MED13L: variants seen among roughly 807,000 people sequenced by gnomAD.
The protein encoded by MED13L is mediator complex subunit 13L.
MED13L carries 7 observed loss-of-function variants against 220.9 expected under a neutral mutation model. That is an observed-to-expected ratio of 0.03 (90% confidence interval 0.02 to 0.06). The LOEUF (loss-of-function observed/expected upper bound fraction) is 0.06, where lower values mean the gene tolerates loss of function less well. Ranked by LOEUF, MED13L falls within the 10% of genes least tolerant of loss-of-function variation. The pLI is 1.00. For missense variants in MED13L, 1,965 were observed against 2,760.5 expected, an observed-to-expected ratio of 0.71 and a Z score of 6.46; for synonymous variants, 1,011 against 1,015.2, an observed-to-expected ratio of 1.00 and a Z score of 0.08.
intron 1 of MED13L, among the ~76,000 whole-genome samples, chr12:116,240,039 C>A (rs948618563): frequency 7.2e-5 from 11 of 152,076 alleles, no homozygotes; most frequent in African/African-American, 2.7e-4. Flanking sequence ...TTTCATTATA[C>A]CACTAGTAGT....
chr12:116,054,528 A>C (rs949689832), intron 4 of MED13L, among the ~76,000 whole-genome samples: 2 of 152,244 alleles, frequency 1.3e-5, no homozygotes, highest in Non-Finnish European at 2.9e-5. Context: ...TTTCTTTTGC[A>C]CATGACTCTA....
chr12:116,260,945 A>T (rs1231929506), intron 1 of MED13L, among the ~76,000 whole-genome samples: 1 of 152,194 alleles, frequency 6.6e-6, no homozygotes, highest in African/African-American at 2.4e-5. Context: ...GCTGATACAG[A>T]GCCAACTGCT....
chr12:116,104,350 T>C (rs1401900996), intron 3 of MED13L, among the ~76,000 whole-genome samples: 1 of 152,160 alleles, frequency 6.6e-6, no homozygotes, highest in African/African-American at 2.4e-5. Context: ...ATCACCTCTA[T>C]TACAATATCA....
chr12:116,183,189 G>A (rs1880644918), intron 2 of MED13L, among the ~76,000 whole-genome samples: 1 of 152,152 alleles, frequency 6.6e-6, no homozygotes. Context: ...CTCCTTACCT[G>A]AGTCTAAAAT....
chr12:116,112,077 G>A lies in MED13L; in HGVS notation c.311-565C>T, dbSNP rs181074807. On this transcript the variant is annotated intron_variant, in intron 2 of 30. Transcript: ENST00000281928. ...TTCCTGAATTTATAATTTTGTTAAT[G>A]TTTGACATTTTGGGAAGTATCTTGT... Among the ~76,000 whole-genome samples the A allele has an allele frequency of 1.8e-3, 269 of 152,128 alleles. 1 individual carries two copies. The highest frequency in any genetic ancestry group is 3.4e-3 in the Middle Eastern group (1 of 294).
In MED13L at chr12:116,268,054, T is replaced by C. The variant is rs144203443; in HGVS notation, c.72+9006A>G. Among the ~76,000 whole-genome samples, 58 of 152,342 alleles carry C rather than the reference T, an allele frequency of 3.8e-4. No homozygotes were observed. The East Asian group carries it at 9.2e-3, about 24-fold the overall frequency. On this transcript the variant is annotated intron_variant, in intron 1 of 30. Transcript: ENST00000281928. ...CCCAAATGGTCAATAAGAGCTCCCT[T>C]GAGGAATGGAGAATAATCGTCCAGG...
intron 1 of MED13L, among the ~76,000 whole-genome samples, chr12:116,266,387 T>TG (rs965124363): frequency 2.0e-5 from 3 of 152,082 alleles, no homozygotes; most frequent in African/African-American, 7.2e-5. Context: ...CAGCAGTGGG[T>TG]GCCCACAAGC....
intron 4 of MED13L, among the ~76,000 whole-genome samples, chr12:116,060,303 CGTG>C (rs1324110157): frequency 6.6e-6 from 1 of 151,844 alleles, no homozygotes; most frequent in Non-Finnish European, 1.5e-5. Context: ...ACAGGCCGGG[CGTG>C]GTAACTCACG....
chr12:116,193,603 T>G (rs190548015), intron 2 of MED13L, among the ~76,000 whole-genome samples: 5 of 84,174 alleles, frequency 5.9e-5, no homozygotes, highest in Non-Finnish European at 1.1e-4. Flanking sequence ...TAGTGTAAAG[T>G]AGAAATCTCT....
intron 2 of MED13L, among the ~76,000 whole-genome samples, chr12:116,184,163 G>T (rs538926133): frequency 1.3e-5 from 2 of 152,220 alleles, no homozygotes; most frequent in South Asian, 2.1e-4. Flanking sequence ...AATGAAGAAG[G>T]CTACTTCAGA....
chr12:116,255,890 G>GA (rs1253246643), intron 1 of MED13L, among the ~76,000 whole-genome samples: 2 of 152,112 alleles, frequency 1.3e-5, no homozygotes, highest in Non-Finnish European at 2.9e-5. Context: ...ACACTCAAAG[G>GA]AAATTCCAAA....
At chr12:116,226,276 T>G (rs1868981053) in intron 2 of MED13L, among the ~76,000 whole-genome samples, 1 of 152,248 alleles carries the variant, frequency 6.6e-6, no homozygotes, top group African/African-American at 2.4e-5. Context: ...AAGAGGATAA[T>G]GCTTATTCTG....
chr12:116,176,395 CCATCATCATCAT>C (rs140238306), intron 2 of MED13L, among the ~76,000 whole-genome samples: 1 of 151,642 alleles, frequency 6.6e-6, no homozygotes, highest in East Asian at 1.9e-4. Flanking sequence ...ATATAAGCTC[CCATCATCATCAT>C]CATCATCATC....
chr12:116,132,767 A>C (rs183606304), intron 2 of MED13L, among the ~76,000 whole-genome samples: 15 of 152,202 alleles, frequency 9.9e-5, no homozygotes, highest in Admixed American at 7.2e-4. Context: ...TAAAAATACA[A>C]AAATTAGCCG....
intron 4 of MED13L, among the ~76,000 whole-genome samples, chr12:116,091,432 T>A (rs1395001509): frequency 2.0e-5 from 3 of 152,186 alleles, no homozygotes; most frequent in Admixed American, 1.3e-4. Flanking sequence ...TATCATCACC[T>A]CTGGCTGAAG....
intron 2 of MED13L, among the ~76,000 whole-genome samples, chr12:116,168,331 CA>C (rs79130692): frequency 0.08 from 9,602 of 120,020 alleles, 537 homozygotes; most frequent in African/African-American, 0.18. Flanking sequence ...ATTTTTCTGG[CA>C]AAAAAAAAAA....
intron 2 of MED13L, among the ~76,000 whole-genome samples, chr12:116,229,062 C>A (rs1349230823): frequency 6.6e-6 from 1 of 152,132 alleles, no homozygotes; most frequent in Non-Finnish European, 1.5e-5. Context: ...CAGGCATGAG[C>A]CATCACACCA....
At chr12:116,038,280 T>C (rs1205413881) in intron 4 of MED13L, among the ~76,000 whole-genome samples, 3 of 151,910 alleles carry the variant, frequency 2.0e-5, no homozygotes, top group Non-Finnish European at 4.4e-5. Context: ...CCACATAAAT[T>C]TTTCTACTGT....
At chr12:115,969,730 G>C (rs1238559935) in intron 27 of MED13L, among the ~76,000 whole-genome samples, 1 of 151,924 alleles carries the variant, frequency 6.6e-6, no homozygotes, top group Middle Eastern at 3.2e-3. Flanking sequence ...CACCACGTTG[G>C]CCAGGCTAGT....
Sources: allele counts gnomAD v4.1 joint callset (sites outside exome capture counted in the v4.1 genomes callset), GRCh38; gene constraint gnomAD v4.1.1; transcripts MANE v1.5; gene names NCBI Gene and HGNC (gene_info 2026-07-23, HGNC 2026-07-21).